The following PLEKHG7 variants were observed in gnomAD, a reference collection of about 807,000 sequenced individuals.
PLEKHG7 encodes the protein pleckstrin homology and RhoGEF domain containing G7, also known as pleckstrin homology domain-containing family G member 7.
A neutral mutation model predicts 85.2 loss-of-function variants in PLEKHG7; 77 were observed. The observed-to-expected ratio is 0.90, with a 90% CI of 0.75 to 1.09. The LOEUF (loss-of-function observed/expected upper bound fraction) is 1.09, where lower values mean the gene tolerates loss of function less well. Among genes scored for constraint, PLEKHG7 ranks in the 50% least tolerant of loss-of-function variants. PLEKHG7 has a pLI of 0.00. For synonymous variants in PLEKHG7, 301 were observed against 302.4 expected, an observed-to-expected ratio of 1.00 and a Z score of 0.05; for missense variants, 777 against 804.3, an observed-to-expected ratio of 0.97 and a Z score of 0.41.
At position 92,718,289 on chromosome 12, in the gene PLEKHG7, G is replaced by A. The variant is rs182518343; in HGVS notation, c.530+10617G>A. ...TCCTGATATGGGCATGGTGCAAGGG[G>A]AACCACGTGCCACTCTTCCAGCAGC... is the stretch of plus-strand genomic sequence containing the variant. On this transcript the variant is annotated intron_variant, in intron 3 of 16. Transcript: ENST00000344636. 3.3e-5 allele frequency among the ~76,000 whole-genome samples: 5 copies of A among 152,330 alleles called. No homozygotes were observed. The East Asian group carries it at 7.7e-4, about 23-fold the overall frequency.
At chr12:92,728,543 A>ATATACACAT (rs1488134323) in intron 3 of PLEKHG7, among the ~76,000 whole-genome samples, 2 of 148,878 alleles carry the variant, frequency 1.3e-5, no homozygotes, top group African/African-American at 5.1e-5. Flanking sequence ...ATATATAAAT[A>ATATACACAT]TATATATACA....
Position 92,771,733 on chromosome 12 carries a change from T to A in PLEKHG7, c.*1538T>A, listed in dbSNP as rs1013862304. 1.3e-5 allele frequency: 2 copies of A among 152,024 alleles called. No homozygotes were observed. The highest frequency in any genetic ancestry group is 2.9e-5 in the Non-Finnish European group (2 of 67,926). 9.4% of individuals were successfully genotyped at this position (152,024 alleles called of 1,614,324 possible). A position where few individuals can be genotyped will look rare whatever the true frequency, so the allele number is the denominator to read the frequency against. On this transcript the variant is annotated 3_prime_UTR_variant, in exon 17 of 17. Transcript: ENST00000344636. The stretch of plus-strand genomic sequence containing the variant: ...CAATCATCTTGCAAATGTTTAGATA[T>A]AAACTAACCTCGGAGGTGAGCAGTG...
At chr12:92,766,948 T>G (rs1873218370) in intron 15 of PLEKHG7, among the ~76,000 whole-genome samples, 1 of 152,192 alleles carries the variant, frequency 6.6e-6, no homozygotes, top group African/African-American at 2.4e-5. Context: ...ACTTGACTAA[T>G]TAGATACAGT....
rs538295037 is a variant in PLEKHG7 at position 92,744,727 on chromosome 12, G to A, written c.1138-751G>A. Among the ~76,000 whole-genome samples the A allele has an allele frequency of 9.3e-5, 14 of 150,944 alleles. No homozygotes were observed. The East Asian group carries it at 1.2e-3, about 13-fold the overall frequency. Reference sequence around the variant, plus strand: ...GTCACTCAGGCTGGAGTGCAATGGCGCGATCTCAGCTCACTGCAACTTCCA... The same window carrying A: ...GTCACTCAGGCTGGAGTGCAATGGCACGATCTCAGCTCACTGCAACTTCCA... On this transcript the variant is annotated intron_variant, in intron 9 of 16. Transcript: ENST00000344636.
At chr12:92,718,435 G>A (rs1415736656) in intron 3 of PLEKHG7, among the ~76,000 whole-genome samples, 1 of 152,146 alleles carries the variant, frequency 6.6e-6, no homozygotes, top group Non-Finnish European at 1.5e-5. Flanking sequence ...CAGGAAAGTG[G>A]GATTTTCATC....
chr12:92,743,037 C>A (rs951983721), intron 9 of PLEKHG7, among the ~76,000 whole-genome samples: 5 of 152,172 alleles, frequency 3.3e-5, no homozygotes, highest in Admixed American at 6.5e-5. Context: ...GCTATAAAAA[C>A]TTCTCCTAAA....
chr12:92,732,045 A>G (rs933627010), intron 4 of PLEKHG7, among the ~76,000 whole-genome samples, 188 bp from the exon 5 acceptor site: 15 of 152,218 alleles, frequency 9.9e-5, no homozygotes, highest in Non-Finnish European at 1.8e-4. Context: ...AGGTTGCAAC[A>G]TTGTTTCATT....
rs182042875 is a variant in PLEKHG7, at chr12:92,717,044, T to G, written c.530+9372T>G. ...ATCAGAAGCAAGTGAGGGAGATGCTTTTGTGGATAGGGAAACATTCCTAGC... is the reference window on the plus strand; with the variant it reads ...ATCAGAAGCAAGTGAGGGAGATGCTGTTGTGGATAGGGAAACATTCCTAGC... On this transcript the variant is annotated intron_variant, in intron 3 of 16. Transcript: ENST00000344636. 1.3e-3 allele frequency among the ~76,000 whole-genome samples: 193 copies of G among 152,326 alleles called. 2 individuals carry two copies. Among genetic ancestry groups the G allele is most frequent in the Non-Finnish European group, 8.8e-5 (6 of 68,020 alleles).
chr12:92,742,307 T>A (rs375866146), intron 9 of PLEKHG7, among the ~76,000 whole-genome samples: 2 of 152,046 alleles, frequency 1.3e-5, no homozygotes, highest in East Asian at 3.9e-4. Context: ...AGGGGAGAAA[T>A]TAATCCAATA....
At chr12:92,732,374 T>C in intron 5 of PLEKHG7, 101 bp downstream of exon 5, 1 of 659,650 alleles carries the variant, frequency 1.5e-6, no homozygotes, top group Non-Finnish European at 2.1e-6. Context: ...TATCTTTGTA[T>C]AAAGGCAGAT....
Position 92,768,989 on chromosome 12 carries a change from G to A in PLEKHG7, c.1877G>A (p.Gly626Glu). Residue 626 changes from glycine to glutamate, a missense_variant, in exon 16 of 17, where the codon GGG becomes GAG. By Grantham distance (98) the Gly-to-Glu change is moderately conservative. Transcript: ENST00000344636. ...SIEPLHVSVF[G>E]LRNAFLIQHE... ...TTGTAATATCTTTTTCTAGTCTTTG[G>A]GCTGAGAAATGCTTTTCTTATACAA... The A allele has an allele frequency of 1.9e-6, 3 of 1,580,654 alleles. No homozygotes were observed. The highest frequency in any genetic ancestry group is 2.6e-6 in the Non-Finnish European group (3 of 1,156,288).
At chr12:92,707,806 C>T in intron 3 of PLEKHG7, 134 bp downstream of exon 3, 1 of 1,471,162 alleles carries the variant, frequency 6.8e-7, no homozygotes, top group Non-Finnish European at 9.3e-7. Context: ...ACTCAAGTCA[C>T]TCTTCGCATT....
chr12:92,741,186 C>T (rs1247834357), intron 8 of PLEKHG7, among the ~76,000 whole-genome samples: 1 of 152,136 alleles, frequency 6.6e-6, no homozygotes, highest in Non-Finnish European at 1.5e-5. Flanking sequence ...TAAACACATT[C>T]CTAAGATCTC....
chr12:92,721,279 C>T (rs884531), intron 3 of PLEKHG7, among the ~76,000 whole-genome samples: 69,910 of 152,052 alleles, frequency 0.46, 17,298 homozygotes, highest in East Asian at 0.89. Context: ...GGCACCAGCA[C>T]GTGACAGCTG....
chr12:92,753,779 CA>C (rs1489174543), intron 10 of PLEKHG7, among the ~76,000 whole-genome samples: 3 of 152,154 alleles, frequency 2.0e-5, no homozygotes, highest in Non-Finnish European at 1.5e-5. Context: ...AGGATGGGAC[CA>C]AAGCTGATGA....
At chr12:92,720,108 T>A (rs1320044806) in intron 3 of PLEKHG7, among the ~76,000 whole-genome samples, 1 of 152,186 alleles carries the variant, frequency 6.6e-6, no homozygotes, top group Non-Finnish European at 1.5e-5. Flanking sequence ...CAGGTGACTT[T>A]AAAAAACAGA....
intron 3 of PLEKHG7, among the ~76,000 whole-genome samples, chr12:92,716,495 T>C (rs114539472): frequency 0.012 from 1,903 of 152,346 alleles, 35 homozygotes; most frequent in African/African-American, 0.044. Flanking sequence ...ACGTTTTTCT[T>C]TGTGAACTCG....
Position 92,770,288 on chromosome 12 carries a change from A to C in PLEKHG7, c.*93A>C. 1 of 976,638 alleles carries C rather than the reference A, an allele frequency of 1.0e-6. No homozygotes were observed. Among genetic ancestry groups the C allele is most frequent in the Non-Finnish European group, 1.5e-6 (1 of 647,640 alleles). The allele number at this position is 976,638 out of a possible 1,614,324, so 60.5% of individuals were successfully genotyped here. ...TGTAACACTTAGCTAGTGATAAGCTAGAAGGAAATTTGCATTTTAAAGAAG... is the reference window on the plus strand; with the variant it reads ...TGTAACACTTAGCTAGTGATAAGCTCGAAGGAAATTTGCATTTTAAAGAAG... On this transcript the variant is annotated 3_prime_UTR_variant, in exon 17 of 17. Coordinates refer to ENST00000344636, the MANE Select transcript of PLEKHG7 (RefSeq NM_001377329.1).
At chr12:92,755,789 CA>C in intron 11 of PLEKHG7, 35 bp from the exon 12 acceptor site, 1 of 1,359,814 alleles carries the variant, frequency 7.4e-7, no homozygotes. Flanking sequence ...ATGTCATATG[CA>C]CCTAAAAATA....
Sources: gnomAD v4.1 joint callset for allele counts (sites outside exome capture counted in the v4.1 genomes callset) on GRCh38, gnomAD v4.1.1 for gene constraint, MANE v1.5 for transcripts, NCBI Gene and HGNC (gene_info 2026-07-23, HGNC 2026-07-21) for gene names.